RPH3A: variants seen among roughly 807,000 people sequenced by gnomAD.
The protein encoded by RPH3A is rabphilin-3A.
A neutral mutation model predicts 102.2 loss-of-function variants in RPH3A; 48 were observed. That is an observed-to-expected ratio of 0.47 (90% confidence interval 0.37 to 0.60). The LOEUF (loss-of-function observed/expected upper bound fraction) is 0.60, where lower values mean the gene tolerates loss of function less well. RPH3A is among the 20% of genes least tolerant of loss of function. The pLI is 0.00. For missense variants in RPH3A, 781 were observed against 910.1 expected (o/e 0.86, Z 1.83); for synonymous variants, 310 against 324.3 (o/e 0.96, Z 0.47).
chr12:112,876,672 C>T lies in RPH3A; in HGVS notation c.977C>T (p.Ala326Val), dbSNP rs779024797. ...GCTCCGAGCGACCCTGGGACCACTGCCCCACCCCGAGAGGAGAGAACAGGG... is the reference window on the plus strand; with the variant it reads ...GCTCCGAGCGACCCTGGGACCACTGTCCCACCCCGAGAGGAGAGAACAGGG... ...EVAPSDPGTT[A>V]PPREERTGGV... Residue 326 changes from alanine to valine, a missense_variant, in exon 13 of 22, where the codon GCC becomes GTC. This residue lies in a region of RPH3A where 730 missense variants were observed against 810.0 expected (regional missense o/e 0.90). Transcript: ENST00000389385. 1.2e-6 allele frequency: 2 copies of T among 1,612,238 alleles called. No homozygotes were observed. Among genetic ancestry groups the T allele is most frequent in the Non-Finnish European group, 8.5e-7 (1 of 1,179,228 alleles).
chr12:112,866,804 T>C lies in RPH3A; in HGVS notation c.408T>C (p.Ser136=). 1 of 1,611,616 alleles carries C rather than the reference T, an allele frequency of 6.2e-7. No individual in the cohort carries two copies. The highest frequency in any genetic ancestry group is 8.5e-7 in the Non-Finnish European group (1 of 1,178,846). ...TGGAGACCAACAACCGCCTGCATTC[T>C]GTGTGGCTCTGCAAAATCTGCATTG... The part of the protein sequence containing the change: ...CGVETNNRLH[S]VWLCKICIEQ... The change falls in exon 7 of 22, where the codon TCT becomes TCC. Residue 136 remains serine (S), a synonymous_variant. Transcript: ENST00000389385.
At chr12:112,652,439 C>T (rs2039981236) in intron 1 of RPH3A, among the ~76,000 whole-genome samples, 1 of 152,104 alleles carries the variant, frequency 6.6e-6, no homozygotes, top group Non-Finnish European at 1.5e-5. Context: ...CACTATATTC[C>T]AGCCTGGGTG....
intron 17 of RPH3A, among the ~76,000 whole-genome samples, chr12:112,889,097 A>G (rs577568954): frequency 5.9e-5 from 9 of 152,350 alleles, no homozygotes; most frequent in African/African-American, 1.9e-4. Flanking sequence ...ATGCCATGCC[A>G]TAGTTTTATA....
chr12:112,789,546 G>A (rs1029127947), upstream of RPH3A, among the ~76,000 whole-genome samples: 1 of 152,118 alleles, frequency 6.6e-6, no homozygotes, highest in African/African-American at 2.4e-5. Context: ...TTGAGTCTAA[G>A]TTTTCTCATT....
At chr12:112,655,620 G>A (rs1479306472) in intron 1 of RPH3A, among the ~76,000 whole-genome samples, 1 of 137,520 alleles carries the variant, frequency 7.3e-6, no homozygotes, top group Admixed American at 8.2e-5. Flanking sequence ...ACCCAGGCTG[G>A]AGTGCAGTGG....
At chr12:112,711,765 TG>T (rs2040464075) in intron 1 of RPH3A, among the ~76,000 whole-genome samples, 1 of 152,210 alleles carries the variant, frequency 6.6e-6, no homozygotes, top group African/African-American at 2.4e-5. Flanking sequence ...TACTGCTTGC[TG>T]GGGAGAATGC....
chr12:112,733,601 G>A (rs2040648880), intron 1 of RPH3A, among the ~76,000 whole-genome samples: 1 of 152,166 alleles, frequency 6.6e-6, no homozygotes. Context: ...CCCCTGCCAT[G>A]CCCAGTCATT....
intron 5 of RPH3A, among the ~76,000 whole-genome samples, chr12:112,860,753 G>A (rs1447633535): frequency 6.6e-6 from 1 of 152,168 alleles, no homozygotes; most frequent in Non-Finnish European, 1.5e-5. Flanking sequence ...CAGGCAAGCG[G>A]CCCACTCTCT....
intron 1 of RPH3A, among the ~76,000 whole-genome samples, chr12:112,742,988 C>G (rs1403904786): frequency 6.6e-6 from 1 of 152,158 alleles, no homozygotes; most frequent in African/African-American, 2.4e-5. Flanking sequence ...TGTCCCCATG[C>G]AATCCTATCC....
intron 5 of RPH3A, among the ~76,000 whole-genome samples, chr12:112,860,941 T>C (rs1262910237): frequency 4.6e-5 from 7 of 152,256 alleles, no homozygotes; most frequent in Non-Finnish European, 7.3e-5. Context: ...TTTATAATTC[T>C]ATGGCATTGA....
intron 5 of RPH3A, among the ~76,000 whole-genome samples, chr12:112,852,947 G>T (rs189846085): frequency 1.3e-5 from 2 of 152,216 alleles, no homozygotes; most frequent in Non-Finnish European, 2.9e-5. Context: ...TTCCATTCGA[G>T]GTCAGCTTCC....
chr12:112,585,130 G>C (rs972983009), intron 1 of RPH3A, among the ~76,000 whole-genome samples: 9 of 152,208 alleles, frequency 5.9e-5, no homozygotes, highest in Non-Finnish European at 1.0e-4. Flanking sequence ...GAAAGATGCA[G>C]GCTGGAAGAC....
Position 112,897,973 on chromosome 12 carries a change from C to G in RPH3A, c.*1193C>G, listed in dbSNP as rs530001002. ...CTTTCTCCGCTCTTAGGTAAATGAACAAGCTACCCTCCTCCCCAATGCCCT... is the reference window on the plus strand; with the variant it reads ...CTTTCTCCGCTCTTAGGTAAATGAAGAAGCTACCCTCCTCCCCAATGCCCT... On this transcript the variant is annotated 3_prime_UTR_variant, in exon 22 of 22. Coordinates refer to ENST00000389385, the MANE Select transcript of RPH3A (RefSeq NM_001143854.2). The G allele has an allele frequency of 1.3e-5, 2 of 152,446 alleles. No homozygotes were observed. Among genetic ancestry groups the G allele is most frequent in the East Asian group, 3.9e-4 (2 of 5,194 alleles). 9.4% of individuals were successfully genotyped at this position (152,446 alleles called of 1,614,324 possible). A position where few individuals can be genotyped will look rare whatever the true frequency, so the allele number is the denominator to read the frequency against.
intron 1 of RPH3A, among the ~76,000 whole-genome samples, chr12:112,622,626 A>G (rs898546758): frequency 1.3e-5 from 2 of 151,206 alleles, no homozygotes; most frequent in African/African-American, 4.8e-5. Flanking sequence ...CAAGTTGGAA[A>G]ACACTCTGCA....
At chr12:112,598,929 A>G (rs1431873210) in intron 1 of RPH3A, among the ~76,000 whole-genome samples, 9 of 152,218 alleles carry the variant, frequency 5.9e-5, no homozygotes, top group Admixed American at 5.9e-4. Context: ...GTCATTTTCT[A>G]TTAATTGCAG....
At chr12:112,659,533 G>A (rs187336023) in intron 1 of RPH3A, among the ~76,000 whole-genome samples, 125 of 152,290 alleles carry the variant, frequency 8.2e-4, no homozygotes, top group African/African-American at 2.8e-3. Flanking sequence ...ATTTTGATCT[G>A]TCTCATTACT....
chr12:112,785,713 G>C (rs1046140822), intron 1 of RPH3A, among the ~76,000 whole-genome samples: 35 of 152,138 alleles, frequency 2.3e-4, no homozygotes, highest in African/African-American at 7.5e-4. Context: ...GGCAAAGGGA[G>C]GTTTAGTAAC....
At chr12:112,627,693 A>G (rs1454352029) in intron 1 of RPH3A, among the ~76,000 whole-genome samples, 1 of 152,110 alleles carries the variant, frequency 6.6e-6, no homozygotes, top group Non-Finnish European at 1.5e-5. Flanking sequence ...CTATGGAGAA[A>G]GATAAAACTG....
chr12:112,762,674 T>C (rs185060104), intron 1 of RPH3A, among the ~76,000 whole-genome samples: 128 of 152,360 alleles, frequency 8.4e-4, no homozygotes, highest in African/African-American at 3.0e-3. Context: ...TCAGGACTTT[T>C]TGTTTTTGTT....
Sources: gnomAD v4.1 joint callset for allele counts (sites outside exome capture counted in the v4.1 genomes callset) on GRCh38, gnomAD v4.1.1 for gene constraint, gnomAD v4.1.1 regional missense constraint, MANE v1.5 for transcripts, NCBI Gene and HGNC (gene_info 2026-07-23, HGNC 2026-07-21) for gene names.